Variants in CAMKMT observed in about 807,000 individuals in gnomAD.
CAMKMT encodes the protein calmodulin-lysine N-methyltransferase, also known as CaM KMT.
CAMKMT carries 53 observed loss-of-function variants against 48.0 expected under a neutral mutation model. The ratio of observed to expected loss-of-function variants is 1.10; its 90% CI spans 0.89 to 1.39. The LOEUF (loss-of-function observed/expected upper bound fraction) is 1.39. Ranked by LOEUF, CAMKMT falls within the 40% of genes most tolerant of loss-of-function variation. The probability of loss-of-function intolerance (pLI) is 0.00; values close to 1 mark genes in which losing one functional copy is unlikely to be tolerated. For synonymous variants in CAMKMT, 165 were observed against 152.3 expected, an observed-to-expected ratio of 1.08 and a Z score of -0.61; for missense variants, 428 against 402.7, an observed-to-expected ratio of 1.06 and a Z score of -0.54.
Position 44,504,007 on chromosome 2 carries a change from G to GAGAGAA in CAMKMT, c.376+113703_376+113704insGAGAAA, listed in dbSNP as rs1278036478. On this transcript the variant is annotated intron_variant, in intron 3 of 10. Coordinates refer to ENST00000378494, the MANE Select transcript of CAMKMT (RefSeq NM_024766.5). The stretch of plus-strand genomic sequence containing the variant: ...GGGGAGAGAGAGAGAGAGAGAGAGA[G>GAGAGAA]AAAACGAAACGGGAAGGGGGAGAGA... 1.3e-4 allele frequency among the ~76,000 whole-genome samples: 19 copies of GAGAGAA among 151,424 alleles called. No individual in the cohort carries two copies. In the South Asian group the frequency reaches 1.5e-3, roughly 12 times the overall value.
intron 3 of CAMKMT, among the ~76,000 whole-genome samples, chr2:44,566,360 A>G (rs1668614225): frequency 6.6e-6 from 1 of 152,258 alleles, no homozygotes; most frequent in South Asian, 2.1e-4. Flanking sequence ...AGAATTCTGC[A>G]GAAATCCACA....
chr2:44,503,288 A>G (rs1670095965), intron 3 of CAMKMT, among the ~76,000 whole-genome samples: 1 of 152,156 alleles, frequency 6.6e-6, no homozygotes, highest in Non-Finnish European at 1.5e-5. Flanking sequence ...AACTTTGCAT[A>G]TCTAAATCAT....
intron 3 of CAMKMT, among the ~76,000 whole-genome samples, chr2:44,474,056 T>C (rs1252997022): frequency 6.6e-6 from 1 of 152,184 alleles, no homozygotes; most frequent in African/African-American, 2.4e-5. Flanking sequence ...TCCATTCACA[T>C]ATACCTGTGT....
chr2:44,377,701 G>C (rs1443727416), intron 2 of CAMKMT, among the ~76,000 whole-genome samples: 4 of 152,146 alleles, frequency 2.6e-5, no homozygotes, highest in African/African-American at 2.4e-5. Flanking sequence ...GGTAATTGCT[G>C]AATTAGAAGG....
At position 44,409,204 on chromosome 2, in the gene CAMKMT, A is replaced by G. The variant is rs137858981; in HGVS notation, c.376+18899A>G. On this transcript the variant is annotated intron_variant, in intron 3 of 10. Transcript: ENST00000378494. Reference sequence around the variant, plus strand: ...ATATGTATATTGCTACATAAAGACAACTAGCCAAAATTCAACGTAGTATCC... The same window carrying G: ...ATATGTATATTGCTACATAAAGACAGCTAGCCAAAATTCAACGTAGTATCC... 4.1e-3 allele frequency among the ~76,000 whole-genome samples: 606 copies of G among 146,112 alleles called. 19 individuals carry two copies. The Middle Eastern group carries it at 0.053, about 13-fold the overall frequency.
chr2:44,687,661 A>G (rs1420346043), intron 3 of CAMKMT, among the ~76,000 whole-genome samples: 3 of 152,244 alleles, frequency 2.0e-5, no homozygotes, highest in African/African-American at 7.2e-5. Flanking sequence ...ATTATAATGC[A>G]TCTTCAAATA....
intron 1 of CAMKMT, among the ~76,000 whole-genome samples, chr2:44,363,667 A>G (rs945603680): frequency 7.0e-6 from 1 of 143,616 alleles, no homozygotes; most frequent in Admixed American, 7.0e-5. Context: ...GGCATGAGCC[A>G]CCGTGCCCGG....
At chr2:44,494,126 T>C (rs374974918) in intron 3 of CAMKMT, among the ~76,000 whole-genome samples, 17 of 152,340 alleles carry the variant, frequency 1.1e-4, no homozygotes, top group African/African-American at 4.1e-4. Flanking sequence ...ATTCATTTTA[T>C]AGCAATTTTG....
At chr2:44,557,595 C>T (rs939750785) in intron 3 of CAMKMT, among the ~76,000 whole-genome samples, 1 of 152,050 alleles carries the variant, frequency 6.6e-6, no homozygotes, top group African/African-American at 2.4e-5. Context: ...TTCCTTCCTC[C>T]CTTCTTCTAT....
intron 7 of CAMKMT, among the ~76,000 whole-genome samples, chr2:44,735,375 T>G (rs1679301145): frequency 6.6e-6 from 1 of 152,238 alleles, no homozygotes; most frequent in Non-Finnish European, 1.5e-5. Flanking sequence ...TAGATTTAAA[T>G]CTGTCATTTT....
chr2:44,619,454 A>C (rs931518968), intron 3 of CAMKMT, among the ~76,000 whole-genome samples: 4 of 111,184 alleles, frequency 3.6e-5, no homozygotes, highest in South Asian at 6.4e-4. Context: ...ATTTTAGCTG[A>C]TTATGTGTGT....
chr2:44,530,157 G>A (rs1666405805), intron 3 of CAMKMT, among the ~76,000 whole-genome samples: 2 of 152,100 alleles, frequency 1.3e-5, no homozygotes, highest in Admixed American at 1.3e-4. Context: ...AGCTTAATGT[G>A]ATTTCAAATG....
chr2:44,558,122 A>G (rs1215903061), intron 3 of CAMKMT, among the ~76,000 whole-genome samples: 1 of 152,104 alleles, frequency 6.6e-6, no homozygotes, highest in Admixed American at 6.6e-5. Flanking sequence ...TGATGTCAAT[A>G]TAGCTCACTG....
At chr2:44,622,900 A>C (rs745614259) in intron 3 of CAMKMT, among the ~76,000 whole-genome samples, 151 of 152,274 alleles carry the variant, frequency 9.9e-4, no homozygotes, top group Admixed American at 3.7e-3. Flanking sequence ...AGTTCTTTTC[A>C]GAAATCTCCA....
chr2:44,650,540 A>G (rs763041310), intron 3 of CAMKMT, among the ~76,000 whole-genome samples: 4 of 152,236 alleles, frequency 2.6e-5, no homozygotes, highest in Non-Finnish European at 4.4e-5. Context: ...ACCTAGGATT[A>G]GTAATGAACT....
At chr2:44,628,232 G>A (rs1672607512) in intron 3 of CAMKMT, among the ~76,000 whole-genome samples, 1 of 152,162 alleles carries the variant, frequency 6.6e-6, no homozygotes, top group African/African-American at 2.4e-5. Flanking sequence ...ACAGGCATGA[G>A]CCACTGTGCC....
At chr2:44,593,787 G>T (rs554765885) in intron 3 of CAMKMT, among the ~76,000 whole-genome samples, 11 of 138,578 alleles carry the variant, frequency 7.9e-5, no homozygotes, top group South Asian at 2.3e-4. Context: ...TTTTGAGGCG[G>T]AATTTTGATC....
intron 3 of CAMKMT, among the ~76,000 whole-genome samples, chr2:44,502,985 T>G (rs954617515): frequency 2.0e-5 from 3 of 152,312 alleles, no homozygotes; most frequent in African/African-American, 7.2e-5. Context: ...TATAATTCTT[T>G]GTCACAGTTT....
intron 3 of CAMKMT, among the ~76,000 whole-genome samples, chr2:44,418,192 C>CA (rs70965353): frequency 0.63 from 74,426 of 118,574 alleles, 21,758 homozygotes; most frequent in Middle Eastern, 0.71. Flanking sequence ...AACTCTGTCT[C>CA]AAAAAAAAAA....
Sources: gnomAD v4.1 joint callset for allele counts (sites outside exome capture counted in the v4.1 genomes callset) on GRCh38, gnomAD v4.1.1 for gene constraint, MANE v1.5 for transcripts, NCBI Gene and HGNC (gene_info 2026-07-23, HGNC 2026-07-21) for gene names.